DLG2: variants seen among roughly 807,000 people sequenced by gnomAD.
DLG2 encodes disks large homolog 2.
DLG2 carries 45 observed loss-of-function variants against 132.5 expected under a neutral mutation model. The ratio of observed to expected loss-of-function variants is 0.34; its 90% CI spans 0.27 to 0.44. The LOEUF (loss-of-function observed/expected upper bound fraction) is 0.44, where lower values mean the gene tolerates loss of function less well. Among genes scored for constraint, DLG2 ranks in the 20% least tolerant of loss-of-function variants. The pLI is 1.00. For missense variants in DLG2, 1,045 were observed against 1,196.9 expected, an observed-to-expected ratio of 0.87 and a Z score of 1.87; for synonymous variants, 424 against 419.6, an observed-to-expected ratio of 1.01 and a Z score of -0.13.
intron 4 of DLG2, among the ~76,000 whole-genome samples, chr11:85,256,859 C>A (rs1038070302): frequency 3.3e-5 from 5 of 152,018 alleles, no homozygotes; most frequent in African/African-American, 9.7e-5. Context: ...TGCAACAGCT[C>A]AAGAGATAAT....
chr11:85,231,108 T>C (rs2075276591), intron 4 of DLG2, among the ~76,000 whole-genome samples: 1 of 152,006 alleles, frequency 6.6e-6, no homozygotes, highest in African/African-American at 2.4e-5. Flanking sequence ...TAATAAAATT[T>C]GGGAAACTAT....
intron 3 of DLG2, among the ~76,000 whole-genome samples, chr11:85,548,482 G>T (rs1430448423): frequency 1.3e-5 from 2 of 152,342 alleles, no homozygotes; most frequent in African/African-American, 4.8e-5. Context: ...ACCCACTTGA[G>T]GAGGCAGTCT....
intron 11 of DLG2, among the ~76,000 whole-genome samples, chr11:84,001,412 A>G (rs1432601698): frequency 2.6e-5 from 4 of 151,996 alleles, no homozygotes; most frequent in African/African-American, 9.6e-5. Context: ...AACAATGCTA[A>G]ATATACATGC....
chr11:85,267,085 G>C (rs1201820343), intron 4 of DLG2, among the ~76,000 whole-genome samples: 1 of 152,194 alleles, frequency 6.6e-6, no homozygotes. Flanking sequence ...CATATGTTGA[G>C]ATTCCAATTC....
chr11:84,170,520 A>T (rs2095797085), intron 8 of DLG2, among the ~76,000 whole-genome samples: 1 of 152,194 alleles, frequency 6.6e-6, no homozygotes, highest in Admixed American at 6.5e-5. Flanking sequence ...CAGAGGTGAC[A>T]TAAAGGAGGC....
chr11:84,874,167 A>G (rs2085943332), intron 6 of DLG2, among the ~76,000 whole-genome samples: 1 of 152,204 alleles, frequency 6.6e-6, no homozygotes, highest in African/African-American at 2.4e-5. Flanking sequence ...GGGGCATAAC[A>G]CACATGAGGG....
At chr11:83,901,472 C>T (rs773199289) in intron 15 of DLG2, among the ~76,000 whole-genome samples, 1 of 152,078 alleles carries the variant, frequency 6.6e-6, no homozygotes, top group Non-Finnish European at 1.5e-5. Context: ...CTGTGCTGTT[C>T]TTGTGATAGT....
intron 8 of DLG2, among the ~76,000 whole-genome samples, chr11:84,166,496 G>T (rs1361416849): frequency 5.5e-5 from 3 of 54,612 alleles, no homozygotes; most frequent in African/African-American, 1.7e-4. Flanking sequence ...GTAAGACTCT[G>T]CTTCAAAAAA....
At chr11:83,614,912 G>T (rs2060587557) in intron 19 of DLG2, among the ~76,000 whole-genome samples, 1 of 152,166 alleles carries the variant, frequency 6.6e-6, no homozygotes, top group Admixed American at 6.5e-5. Context: ...CAATGGCATA[G>T]CACAGCTGAT....
chr11:83,766,413 T>TA (rs59044002), intron 18 of DLG2, among the ~76,000 whole-genome samples: 3 of 150,220 alleles, frequency 2.0e-5, no homozygotes, highest in Non-Finnish European at 4.4e-5. Context: ...TTTTTTTTTT[T>TA]ATAATGAGTT....
At chr11:85,607,668 G>A (rs777377203) in intron 2 of DLG2, among the ~76,000 whole-genome samples, 35 of 152,296 alleles carry the variant, frequency 2.3e-4, no homozygotes, top group South Asian at 4.1e-4. Context: ...CCAAAGCCCC[G>A]TCATAGGGGA....
Position 83,466,822 on chromosome 11 carries a change from T to A in DLG2, c.2620-5A>T. 2 of 1,598,460 alleles carry A rather than the reference T, an allele frequency of 1.3e-6. No individual in the cohort carries two copies. Among genetic ancestry groups the A allele is most frequent in the Non-Finnish European group, 1.7e-6 (2 of 1,165,952 alleles). ...ATCAAGTATACAGTGTTTGCCCTGG[T>A]AGAAAGAGAAGAAAAATATGAAGTT... On this transcript the variant is annotated splice_region_variant and splice_polypyrimidine_tract_variant and intron_variant, in intron 25 of 27. Coordinates refer to ENST00000376104, the MANE Select transcript of DLG2 (RefSeq NM_001142699.3).
At chr11:84,782,504 A>G (rs2071999791) in intron 6 of DLG2, among the ~76,000 whole-genome samples, 1 of 151,970 alleles carries the variant, frequency 6.6e-6, no homozygotes, top group Non-Finnish European at 1.5e-5. Flanking sequence ...GTATATCTCT[A>G]TAGGGCTTAG....
intron 3 of DLG2, among the ~76,000 whole-genome samples, chr11:85,568,374 G>A (rs1453113250): frequency 6.6e-6 from 1 of 152,096 alleles, no homozygotes; most frequent in Non-Finnish European, 1.5e-5. Flanking sequence ...CATAAGGGAT[G>A]TTGGTCTACA....
chr11:84,206,363 G>A (rs774701586), intron 8 of DLG2, among the ~76,000 whole-genome samples: 3 of 151,970 alleles, frequency 2.0e-5, no homozygotes, highest in Non-Finnish European at 4.4e-5. Flanking sequence ...CCACAAAATA[G>A]AGAACAAAGG....
intron 14 of DLG2, among the ~76,000 whole-genome samples, chr11:83,956,144 C>T (rs1417864354): frequency 1.3e-5 from 2 of 152,222 alleles, no homozygotes; most frequent in East Asian, 3.9e-4. Flanking sequence ...TAGCTCCCCT[C>T]CCTGCTGAGA....
intron 7 of DLG2, among the ~76,000 whole-genome samples, chr11:84,452,577 G>C (rs2099054636): frequency 6.6e-6 from 1 of 151,694 alleles, no homozygotes; most frequent in Non-Finnish European, 1.5e-5. Context: ...TTTAAAAAGT[G>C]GTTGGGTTCT....
At chr11:85,615,432 G>A (rs556341489) in intron 2 of DLG2, among the ~76,000 whole-genome samples, 4 of 151,950 alleles carry the variant, frequency 2.6e-5, no homozygotes, top group Non-Finnish European at 5.9e-5. Flanking sequence ...CAGGAGAATC[G>A]CTTGAACCCA....
chr11:85,005,278 C>A (rs1193219630), intron 6 of DLG2, among the ~76,000 whole-genome samples: 2 of 152,126 alleles, frequency 1.3e-5, no homozygotes, highest in East Asian at 3.9e-4. Context: ...TCGGTGATAG[C>A]TTGATGGGGA....
Sources: allele counts gnomAD v4.1 joint callset (sites outside exome capture counted in the v4.1 genomes callset), GRCh38; gene constraint gnomAD v4.1.1; transcripts MANE v1.5; gene names NCBI Gene and HGNC (gene_info 2026-07-23, HGNC 2026-07-21).